DCBLD1: variants seen among roughly 807,000 people sequenced by gnomAD.
DCBLD1 encodes the protein discoidin, CUB and LCCL domain containing 1.
Under a neutral mutation model 71.5 loss-of-function variants are expected in DCBLD1, and 57 were observed. The observed-to-expected ratio is 0.80, with a 90% CI of 0.64 to 0.99. The LOEUF (loss-of-function observed/expected upper bound fraction) is 0.99. Ranked by LOEUF, DCBLD1 falls within the 50% of genes least tolerant of loss-of-function variation. The probability of loss-of-function intolerance (pLI) is 0.00; values close to 1 mark genes in which losing one functional copy is unlikely to be tolerated. For synonymous variants in DCBLD1, 380 were observed against 363.8 expected (o/e 1.04, Z -0.51); for missense variants, 891 against 923.5 (o/e 0.96, Z 0.46).
intron 14 of DCBLD1, chr6:117,561,238 A>G (rs1779578589): frequency 4.5e-6 from 1 of 223,652 alleles, no homozygotes; most frequent in Non-Finnish European, 8.9e-6. Flanking sequence ...TTACACAGTG[A>G]CCTCATAAAA....
chr6:117,521,476 C>G (rs777737799), intron 3 of DCBLD1, 49 bp from the exon 4 acceptor site: 2 of 1,435,372 alleles, frequency 1.4e-6, no homozygotes, highest in South Asian at 2.5e-5. Flanking sequence ...GCATGAGTGT[C>G]CTAGTTTTTA....
intron 1 of DCBLD1, among the ~76,000 whole-genome samples, chr6:117,484,299 G>T (rs1356466224): frequency 6.6e-6 from 1 of 152,050 alleles, no homozygotes; most frequent in Non-Finnish European, 1.5e-5. Context: ...TTGTGAGAGC[G>T]GTTCTCTAGG....
intron 7 of DCBLD1, among the ~76,000 whole-genome samples, chr6:117,537,633 TTTTC>T (rs1778939630): frequency 6.7e-6 from 1 of 148,820 alleles, no homozygotes; most frequent in Non-Finnish European, 1.5e-5. Context: ...TTTTTTTTTT[TTTTC>T]CTTTTTTCTC....
At chr6:117,540,608 T>A in intron 9 of DCBLD1, 60 bp from the exon 10 acceptor site, 1 of 1,598,224 alleles carries the variant, frequency 6.3e-7, no homozygotes, top group Non-Finnish European at 8.6e-7. Flanking sequence ...ATAAGTGGGA[T>A]GATAAACACC....
At position 117,538,606 on chromosome 6, in the gene DCBLD1, C is replaced by T. The variant is rs755452169; in HGVS notation, c.761-14C>T. The T allele has an allele frequency of 1.2e-6, 2 of 1,612,618 alleles. No homozygotes were observed. Among genetic ancestry groups the T allele is most frequent in the African/African-American group, 1.3e-5 (1 of 74,774 alleles). Reference sequence around the variant, plus strand: ...TGTCTGTATCTAAAATATCTTACTGCACTCTTTTTTCAGGTTGCAGCAGAT... The same window carrying T: ...TGTCTGTATCTAAAATATCTTACTGTACTCTTTTTTCAGGTTGCAGCAGAT... On this transcript the variant is annotated splice_polypyrimidine_tract_variant and intron_variant, in intron 7 of 14. Coordinates refer to ENST00000338728, the MANE Select transcript of DCBLD1 (RefSeq NM_001366458.2).
intron 1 of DCBLD1, among the ~76,000 whole-genome samples, chr6:117,503,008 C>T (rs2114422809): frequency 1.3e-5 from 2 of 152,154 alleles, no homozygotes; most frequent in South Asian, 4.2e-4. Flanking sequence ...TTGTTTAGAC[C>T]CCTGATGTAT....
At position 117,482,872 on chromosome 6, in the gene DCBLD1, C is replaced by G; in HGVS notation, c.91C>G (p.Arg31Gly). ...ALLLAVSAPL[R>G]LQAEELGDGC... ...GCTGCTCGCGGTCTCCGCCCCGCTCCGGCTGCAGGCGGAGGAGCTGGGTGA... is the reference window on the plus strand; with the variant it reads ...GCTGCTCGCGGTCTCCGCCCCGCTCGGGCTGCAGGCGGAGGAGCTGGGTGA... The change falls in exon 1 of 15, where the codon CGG becomes GGG. Residue 31 changes from arginine to glycine, a missense_variant. By Grantham distance (125) the Arg-to-Gly change is moderately radical. Coordinates refer to ENST00000338728, the MANE Select transcript of DCBLD1 (RefSeq NM_001366458.2). The G allele has an allele frequency of 8.4e-7, 1 of 1,190,692 alleles. No individual in the cohort carries two copies. Among genetic ancestry groups the G allele is most frequent in the Non-Finnish European group, 1.0e-6 (1 of 960,492 alleles). 73.8% of individuals were successfully genotyped at this position (1,190,692 alleles called of 1,614,324 possible). A position where few individuals can be genotyped will look rare whatever the true frequency, so the allele number is the denominator to read the frequency against.
intron 1 of DCBLD1, among the ~76,000 whole-genome samples, chr6:117,498,583 A>T (rs1210445067): frequency 6.6e-6 from 1 of 152,278 alleles, no homozygotes; most frequent in East Asian, 1.9e-4. Context: ...CACTACTTGG[A>T]GTTTAATCAT....
chr6:117,526,187 GA>G (rs1438449151), intron 5 of DCBLD1, among the ~76,000 whole-genome samples: 5 of 152,252 alleles, frequency 3.3e-5, no homozygotes, highest in African/African-American at 7.2e-5. Context: ...GTGGCATAGG[GA>G]AAAAGTTTGA....
chr6:117,569,840 C>G, exon 15 of DCBLD1: 1 of 1,230,842 alleles, frequency 8.1e-7, no homozygotes, highest in African/African-American at 1.6e-5. Context: ...TCATTAAACA[C>G]CTATGCTGTC....
chr6:117,548,265 A>G lies in DCBLD1; in HGVS notation c.1974A>G (p.Ala658=). Residue 658 remains alanine (A), a synonymous_variant, in exon 15 of 15, where the codon GCA becomes GCG. Coordinates refer to ENST00000338728, the MANE Select transcript of DCBLD1 (RefSeq NM_001366458.2). ...GAGACTATCAAAGGCCACACAGCGC[A>G]CAGCCTGCGGACAGGGGCTACGACC... ...QDGDYQRPHS[A]QPADRGYDRP... is the part of the protein sequence containing the mutation. 1.3e-6 allele frequency: 2 copies of G among 1,550,636 alleles called. No individual in the cohort carries two copies. Among genetic ancestry groups the G allele is most frequent in the Non-Finnish European group, 1.7e-6 (2 of 1,146,984 alleles).
rs564884440 is a variant in DCBLD1, at chr6:117,563,700, T to C, written c.1616-5920T>C. On this transcript the variant is annotated intron_variant, in intron 14 of 14. Coordinates refer to the DCBLD1 transcript ENST00000296955. Reference sequence around the variant, plus strand: ...TCGTACCACCGCACTCTAGCCTGGGTGACAGAGTGAAACTCTGTCTCGATT... The same window carrying C: ...TCGTACCACCGCACTCTAGCCTGGGCGACAGAGTGAAACTCTGTCTCGATT... Among the ~76,000 whole-genome samples, 6 of 150,698 alleles carry C rather than the reference T, an allele frequency of 4.0e-5. No individual in the cohort carries two copies. In the South Asian group the frequency reaches 1.3e-3, roughly 32 times the overall value.
chr6:117,503,859 G>A lies in DCBLD1; in HGVS notation c.205G>A (p.Glu69Lys), dbSNP rs796819413. 6.2e-6 allele frequency: 10 copies of A among 1,613,950 alleles called. No homozygotes were observed. The highest frequency in any genetic ancestry group is 2.2e-5 in the East Asian group (1 of 44,874). The change falls in exon 2 of 15, where the codon GAA becomes AAA. Residue 69 changes from glutamate (E) to lysine (K), a missense_variant. Glu to Lys is a moderately conservative substitution (Grantham distance 56). Transcript: ENST00000338728. Reference protein sequence around the residue: ...PGTYPNHTVCEKTITVPKGKR... With the variant: ...PGTYPNHTVCKKTITVPKGKR... ...GACCTACCCCAATCACACTGTTTGC[G>A]AAAAGACAATTACAGTACCAAAGGG...
intron 1 of DCBLD1, 47 bp downstream of exon 1, chr6:117,482,940 GCGGGCTGAGGGCTGCGGGGCGGGC>G (rs1490329313): frequency 8.6e-7 from 1 of 1,156,944 alleles, no homozygotes; most frequent in African/African-American, 1.6e-5. Context: ...GGCGCCAGGG[GCGGGCTGAGGGCTGCGGGGCGGGC>G]CGGGCCGGGC....
At chr6:117,556,531 T>C (rs1309601346) in intron 14 of DCBLD1, among the ~76,000 whole-genome samples, 1 of 152,242 alleles carries the variant, frequency 6.6e-6, no homozygotes, top group Non-Finnish European at 1.5e-5. Flanking sequence ...TCCATCCATG[T>C]TGCTGCAAGA....
chr6:117,537,102 T>C, intron 6 of DCBLD1, 83 bp from the exon 7 acceptor site: 1 of 1,415,730 alleles, frequency 7.1e-7, no homozygotes, highest in Non-Finnish European at 1.0e-6. Context: ...GGGAAAGTTC[T>C]GTGAGCCCTG....
rs779939402 is a variant in DCBLD1 at position 117,538,821 on chromosome 6, AAAAG to A, written c.966_969del (p.Lys323Ter). The A allele has an allele frequency of 1.2e-6, 2 of 1,612,728 alleles. No homozygotes were observed. Among genetic ancestry groups the A allele is most frequent in the East Asian group, 4.5e-5 (2 of 44,884 alleles). On this transcript the variant is annotated frameshift_variant, in exon 8 of 15. Transcript: ENST00000338728. LOFTEE classifies it high-confidence loss of function. ...TGGCTGGAGATCGATTTGGGGGAGAAAAAGAAAATAACAGGTGCAGAAAATAACA... is the reference window on the plus strand; with the variant it reads ...TGGCTGGAGATCGATTTGGGGGAGAAAAAATAACAGGTGCAGAAAATAACA...
At chr6:117,510,170 C>T (rs1777969805) in intron 2 of DCBLD1, among the ~76,000 whole-genome samples, 1 of 152,158 alleles carries the variant, frequency 6.6e-6, no homozygotes, top group African/African-American at 2.4e-5. Flanking sequence ...TTCTTCTTCA[C>T]TCTCACTTCT....
chr6:117,535,550 T>C (rs1170291391), intron 6 of DCBLD1, among the ~76,000 whole-genome samples: 1 of 152,212 alleles, frequency 6.6e-6, no homozygotes, highest in African/African-American at 2.4e-5. Flanking sequence ...GGAAAAACAT[T>C]TTCCAGTTGA....
Sources: allele counts gnomAD v4.1 joint callset (sites outside exome capture counted in the v4.1 genomes callset), GRCh38; gene constraint gnomAD v4.1.1; transcripts MANE v1.5; gene names NCBI Gene and HGNC (gene_info 2026-07-23, HGNC 2026-07-21).